LOC128092252: variants seen among roughly 807,000 people sequenced by gnomAD.
chr15:50,667,311 T>C, the LOC128092252 span, among the ~76,000 whole-genome samples: 10 of 152,154 alleles, frequency 6.6e-5, no homozygotes, highest in Non-Finnish European at 1.2e-4. Flanking sequence ...AATTAAGAAA[T>C]TGGCAAATGA....
the LOC128092252 span, among the ~76,000 whole-genome samples, chr15:50,655,338 CAGG>C: frequency 2.0e-5 from 3 of 150,080 alleles, no homozygotes; most frequent in African/African-American, 7.4e-5. Flanking sequence ...ATGGCTGAGG[CAGG>C]AGAATTGCTT....
the LOC128092252 span, among the ~76,000 whole-genome samples, chr15:50,684,099 T>G: frequency 6.6e-6 from 1 of 151,600 alleles, no homozygotes; most frequent in African/African-American, 2.4e-5. Context: ...TGATCCGGGA[T>G]CAGCCTGTCG....
chr15:50,652,389 G>C, the LOC128092252 span, among the ~76,000 whole-genome samples: 3 of 149,488 alleles, frequency 2.0e-5, no homozygotes, highest in Admixed American at 6.7e-5. Context: ...AAAAATCGTG[G>C]GGGAAAGCAA....
At chr15:50,666,671 G>A in the LOC128092252 span, among the ~76,000 whole-genome samples, 1 of 152,050 alleles carries the variant, frequency 6.6e-6, no homozygotes, top group African/African-American at 2.4e-5. Context: ...GCATGGTGGT[G>A]CATGCCTATA....
At chr15:50,678,235 C>A in the LOC128092252 span, among the ~76,000 whole-genome samples, 2 of 114,004 alleles carry the variant, frequency 1.8e-5, no homozygotes, top group African/African-American at 3.1e-5. Context: ...GTGAGACTCT[C>A]TCTCAAAAAA....
chr15:50,683,315 T>C, the LOC128092252 span, among the ~76,000 whole-genome samples: 1 of 151,514 alleles, frequency 6.6e-6, no homozygotes, highest in Non-Finnish European at 1.5e-5. Context: ...AATGAAATAA[T>C]AGATCAATGA....
the LOC128092252 span, among the ~76,000 whole-genome samples, chr15:50,683,223 G>A: frequency 8.3e-6 from 1 of 120,542 alleles, no homozygotes; most frequent in Non-Finnish European, 1.8e-5. Context: ...ACATTTAACA[G>A]GCAGTCACTT....
chr15:50,681,462 C>T, the LOC128092252 span, among the ~76,000 whole-genome samples: 1 of 152,066 alleles, frequency 6.6e-6, no homozygotes, highest in East Asian at 1.9e-4. Context: ...TAATGTATAG[C>T]CCTATCTTTC....
At chr15:50,665,615 A>C in the LOC128092252 span, among the ~76,000 whole-genome samples, 2 of 152,202 alleles carry the variant, frequency 1.3e-5, no homozygotes, top group Non-Finnish European at 2.9e-5. Context: ...ATAATAGTGA[A>C]AATTCTATGC....
chr15:50,676,825 GAA>G, the LOC128092252 span, among the ~76,000 whole-genome samples: 2 of 152,096 alleles, frequency 1.3e-5, no homozygotes, highest in Non-Finnish European at 2.9e-5. Flanking sequence ...AAAGTGATGG[GAA>G]AGTTTCCGCA....
chr15:50,661,648 T>C, the LOC128092252 span, among the ~76,000 whole-genome samples: 2 of 152,164 alleles, frequency 1.3e-5, no homozygotes, highest in African/African-American at 4.8e-5. Flanking sequence ...TATTCTATAA[T>C]ATAAAGAGAT....
the LOC128092252 span, among the ~76,000 whole-genome samples, chr15:50,655,766 G>C: frequency 2.0e-5 from 3 of 152,150 alleles, no homozygotes; most frequent in Non-Finnish European, 4.4e-5. Flanking sequence ...GGGAGGCCAA[G>C]GCAGGCAGAT....
chr15:50,677,763 A>C, the LOC128092252 span, among the ~76,000 whole-genome samples: 1 of 150,308 alleles, frequency 6.7e-6, no homozygotes, highest in Admixed American at 6.7e-5. Context: ...AAAAAAAACA[A>C]AAGGTAACCC....
At chr15:50,662,982 G>A in the LOC128092252 span, 2 of 1,613,212 alleles carry the variant, frequency 1.2e-6, no homozygotes, top group Non-Finnish European at 1.7e-6. Context: ...AGGGTCCTTG[G>A]AACTTGGTAT....
chr15:50,651,337 A>G, the LOC128092252 span, among the ~76,000 whole-genome samples: 1 of 152,224 alleles, frequency 6.6e-6, no homozygotes, highest in African/African-American at 2.4e-5. Context: ...ATTATAAATG[A>G]GCTCCAACTA....
chr15:50,665,787 G>A, the LOC128092252 span, among the ~76,000 whole-genome samples: 1 of 152,102 alleles, frequency 6.6e-6, no homozygotes, highest in Non-Finnish European at 1.5e-5. Flanking sequence ...TTGAGGTCAG[G>A]AGCTCAAGAC....
chr15:50,664,235 G>C, the LOC128092252 span, among the ~76,000 whole-genome samples: 54,327 of 150,024 alleles, frequency 0.36, 10,684 homozygotes, highest in Admixed American at 0.48. Context: ...GAGTGAACCA[G>C]GGAGTCGGAG....
the LOC128092252 span, among the ~76,000 whole-genome samples, chr15:50,670,640 C>T: frequency 1.3e-5 from 2 of 151,860 alleles, no homozygotes; most frequent in Admixed American, 6.6e-5. Context: ...CACCACTTTC[C>T]CAGAAAATTC....
chr15:50,681,264 T>TACACACACACAC, the LOC128092252 span, among the ~76,000 whole-genome samples: 3,600 of 146,968 alleles, frequency 0.024, 172 homozygotes, highest in African/African-American at 0.084. Context: ...AATAAATAAA[T>TACACACACACAC]ACACACACAC....
Sources: allele counts gnomAD v4.1 joint callset (sites outside exome capture counted in the v4.1 genomes callset), GRCh38; gene constraint gnomAD v4.1.1; transcripts MANE v1.5.